SEMA6D: variants seen among roughly 807,000 people sequenced by gnomAD.
SEMA6D encodes semaphorin-6D.
A neutral mutation model predicts 106.6 loss-of-function variants in SEMA6D; 35 were observed. That is an observed-to-expected ratio of 0.33 (90% confidence interval 0.25 to 0.44). The LOEUF is 0.44. Among genes scored for constraint, SEMA6D ranks in the 20% least tolerant of loss-of-function variants. SEMA6D has a pLI of 1.00. For synonymous variants in SEMA6D, 499 were observed against 487.7 expected (o/e 1.02, Z -0.31); for missense variants, 1,185 against 1,345.9 (o/e 0.88, Z 1.87).
chr15:47,639,870 C>A (rs1421632536), intron 4 of SEMA6D, among the ~76,000 whole-genome samples: 1 of 152,208 alleles, frequency 6.6e-6, no homozygotes, highest in Non-Finnish European at 1.5e-5. Flanking sequence ...GAAACTGTCA[C>A]AGCCAACAGG....
chr15:47,459,018 C>T (rs2042423732), intron 2 of SEMA6D, among the ~76,000 whole-genome samples: 1 of 151,992 alleles, frequency 6.6e-6, no homozygotes. Context: ...CTGTGACTTG[C>T]TTCTAACCCA....
At chr15:47,408,812 G>T (rs2040685773) in intron 1 of SEMA6D, among the ~76,000 whole-genome samples, 1 of 152,180 alleles carries the variant, frequency 6.6e-6, no homozygotes, top group African/African-American at 2.4e-5. Context: ...TTAGAAGAGG[G>T]CAGCTCGAAG....
intron 1 of SEMA6D, among the ~76,000 whole-genome samples, chr15:47,281,797 A>T (rs1329188857): frequency 6.6e-6 from 1 of 152,136 alleles, no homozygotes; most frequent in Non-Finnish European, 1.5e-5. Context: ...AACATTCTGG[A>T]ACCAAACCCA....
intron 4 of SEMA6D, among the ~76,000 whole-genome samples, chr15:47,664,901 T>C (rs1040580986): frequency 6.6e-6 from 1 of 152,182 alleles, no homozygotes; most frequent in Non-Finnish European, 1.5e-5. Context: ...GCAGCCCCAG[T>C]GAATAACCTC....
At chr15:47,371,289 A>G (rs2039263775) in intron 1 of SEMA6D, among the ~76,000 whole-genome samples, 1 of 152,228 alleles carries the variant, frequency 6.6e-6, no homozygotes, top group Non-Finnish European at 1.5e-5. Context: ...TAAGGATGAC[A>G]CATGTTTAAC....
chr15:47,516,866 A>G (rs1455775890), intron 3 of SEMA6D, among the ~76,000 whole-genome samples: 1 of 152,226 alleles, frequency 6.6e-6, no homozygotes, highest in African/African-American at 2.4e-5. Flanking sequence ...ACTCAAAAGT[A>G]GCTGTTTTGA....
intron 2 of SEMA6D, among the ~76,000 whole-genome samples, chr15:47,462,916 T>C (rs1320906194): frequency 6.6e-6 from 1 of 152,050 alleles, no homozygotes; most frequent in African/African-American, 2.4e-5. Flanking sequence ...TATAATTCAT[T>C]AGATCTCTTA....
chr15:47,360,190 A>C (rs563197429), intron 1 of SEMA6D: 3 of 152,168 alleles, frequency 2.0e-5, no homozygotes, highest in Non-Finnish European at 4.4e-5. Flanking sequence ...CCTTAAGTCC[A>C]CTAATGATGT....
intron 1 of SEMA6D, among the ~76,000 whole-genome samples, chr15:47,227,975 T>TTTATATGTAAGAATCTTATATATATTA (rs1566938531): frequency 1.3e-4 from 18 of 141,850 alleles, no homozygotes; most frequent in Admixed American, 5.1e-4. Flanking sequence ...TATATATATT[T>TTTATATGTAAGAATCTTATATATATTA]TATATATATA....
chr15:47,766,922 A>G (rs2082374215), intron 16 of SEMA6D, 115 bp from the exon 17 acceptor site: 2 of 648,106 alleles, frequency 3.1e-6, no homozygotes, highest in Non-Finnish European at 5.2e-6. Context: ...CAGTAGGTTA[A>G]TATTTTTAAT....
At chr15:47,673,324 G>T (rs1304538891) in intron 4 of SEMA6D, among the ~76,000 whole-genome samples, 1 of 152,146 alleles carries the variant, frequency 6.6e-6, no homozygotes, top group African/African-American at 2.4e-5. Context: ...AGGCTGTGAA[G>T]GATGAGAAAA....
Position 47,305,623 on chromosome 15 carries a change from A to G in SEMA6D, c.-238-106770A>G, listed in dbSNP as rs138993351. ...TTTTATACTACAGTCAATTAAGTAG[A>G]ATTAGTTTAAGGTAGTATTTTTTTC... On this transcript the variant is annotated intron_variant, in intron 1 of 19. Transcript: ENST00000558014. Among the ~76,000 whole-genome samples, 356 of 152,334 alleles carry G rather than the reference A, an allele frequency of 2.3e-3. 2 individuals are homozygous for G. Among genetic ancestry groups the G allele is most frequent in the African/African-American group, 8.3e-3 (344 of 41,574 alleles).
At chr15:47,691,259 A>G (rs1485664762) in intron 4 of SEMA6D, among the ~76,000 whole-genome samples, 2 of 152,088 alleles carry the variant, frequency 1.3e-5, no homozygotes, top group Non-Finnish European at 2.9e-5. Flanking sequence ...TCAGGATGAT[A>G]CCTGAAGACC....
intron 3 of SEMA6D, among the ~76,000 whole-genome samples, chr15:47,557,918 A>G (rs183543508): frequency 5.3e-5 from 8 of 152,256 alleles, no homozygotes; most frequent in Admixed American, 2.6e-4. Flanking sequence ...CTTGCCATGA[A>G]GAGAAGCACT....
At chr15:47,631,623 G>T (rs2077294622) in intron 4 of SEMA6D, among the ~76,000 whole-genome samples, 1 of 151,798 alleles carries the variant, frequency 6.6e-6, no homozygotes, top group Non-Finnish European at 1.5e-5. Flanking sequence ...AGGAAAAAAA[G>T]GCAATGTGAA....
At chr15:47,645,217 G>C (rs567586622) in intron 4 of SEMA6D, among the ~76,000 whole-genome samples, 16 of 152,276 alleles carry the variant, frequency 1.1e-4, no homozygotes, top group Admixed American at 8.5e-4. Context: ...TCCCTTATTG[G>C]AAACATCTTT....
At chr15:47,620,437 C>T (rs535285276) in intron 4 of SEMA6D, among the ~76,000 whole-genome samples, 15 of 152,236 alleles carry the variant, frequency 9.9e-5, no homozygotes, top group African/African-American at 3.6e-4. Flanking sequence ...ACAATGGGGA[C>T]TTGTAATTTC....
intron 1 of SEMA6D, among the ~76,000 whole-genome samples, chr15:47,756,534 TTAAAGAGA>T (rs1378307352): frequency 6.6e-6 from 1 of 152,172 alleles, no homozygotes; most frequent in Non-Finnish European, 1.5e-5. Context: ...AAACTGAGGC[TTAAAGAGA>T]TAAAGTCAAT....
At chr15:47,338,558 A>C (rs1207493464) in intron 1 of SEMA6D, among the ~76,000 whole-genome samples, 1 of 152,222 alleles carries the variant, frequency 6.6e-6, no homozygotes, top group Non-Finnish European at 1.5e-5. Context: ...GGGAAAGTTA[A>C]AAAAGAAAGA....
Sources: allele counts gnomAD v4.1 joint callset (sites outside exome capture counted in the v4.1 genomes callset), GRCh38; gene constraint gnomAD v4.1.1; transcripts MANE v1.5; gene names NCBI Gene and HGNC (gene_info 2026-07-23, HGNC 2026-07-21).